MED13L: variants seen among roughly 807,000 people sequenced by gnomAD.
The protein encoded by MED13L is mediator complex subunit 13L.
In MED13L, 7 loss-of-function variants were observed where a neutral mutation model predicts 220.9. The observed-to-expected ratio is 0.03, with a 90% CI of 0.02 to 0.06. The LOEUF is 0.06. Among genes scored for constraint, MED13L ranks in the 10% least tolerant of loss-of-function variants. The pLI is 1.00. For synonymous variants in MED13L, 1,011 were observed against 1,015.2 expected (o/e 1.00, Z 0.08); for missense variants, 1,965 against 2,760.5 (o/e 0.71, Z 6.46).
intron 1 of MED13L, among the ~76,000 whole-genome samples, chr12:116,259,872 A>T (rs1872375450): frequency 6.6e-6 from 1 of 152,254 alleles, no homozygotes; most frequent in South Asian, 2.1e-4. Context: ...TAAAATTTTT[A>T]AAAGAAATTA....
chr12:116,237,204 C>T (rs1057299600), intron 2 of MED13L, among the ~76,000 whole-genome samples: 11 of 152,174 alleles, frequency 7.2e-5, no homozygotes, highest in Admixed American at 3.3e-4. Flanking sequence ...GTTTCCACCC[C>T]ACCGCACCCA....
At chr12:116,025,599 T>C (rs1407383171) in intron 4 of MED13L, among the ~76,000 whole-genome samples, 2 of 152,174 alleles carry the variant, frequency 1.3e-5, no homozygotes, top group East Asian at 1.9e-4. Flanking sequence ...CTGGAGGACA[T>C]TATGTTAAGT....
At chr12:116,228,069 C>G (rs1034702987) in intron 2 of MED13L, among the ~76,000 whole-genome samples, 5 of 152,128 alleles carry the variant, frequency 3.3e-5, no homozygotes, top group African/African-American at 1.2e-4. Flanking sequence ...AGCCACCATA[C>G]TCCCTTAAGT....
chr12:116,202,144 T>C (rs1024920072), intron 2 of MED13L, among the ~76,000 whole-genome samples: 2 of 152,158 alleles, frequency 1.3e-5, no homozygotes, highest in African/African-American at 4.8e-5. Context: ...AAATAATCAG[T>C]GGTTTAAAGC....
chr12:115,992,005 T>A (rs1234053620), intron 16 of MED13L, 48 bp from the exon 17 acceptor site: 1 of 1,499,012 alleles, frequency 6.7e-7, no homozygotes, highest in African/African-American at 1.4e-5. Flanking sequence ...ATGTCACAGA[T>A]GCTGAACTAG....
chr12:116,240,586 G>T (rs1870536453), intron 1 of MED13L, among the ~76,000 whole-genome samples: 1 of 149,516 alleles, frequency 6.7e-6, no homozygotes, highest in Admixed American at 6.7e-5. Context: ...AGGCTGCAGT[G>T]CAGTGGCGCG....
chr12:116,110,033 T>C (rs1008375667), intron 3 of MED13L: 7 of 152,194 alleles, frequency 4.6e-5, no homozygotes, highest in African/African-American at 1.7e-4. Context: ...CCTCACAGCT[T>C]TGATTACCTG....
At chr12:116,083,802 T>C (rs1871402349) in intron 4 of MED13L, among the ~76,000 whole-genome samples, 1 of 152,186 alleles carries the variant, frequency 6.6e-6, no homozygotes, top group African/African-American at 2.4e-5. Flanking sequence ...CTAGCCTCAG[T>C]TACAATTTGG....
At chr12:115,999,011 C>T (rs1468172245) in intron 14 of MED13L, among the ~76,000 whole-genome samples, 3 of 151,828 alleles carry the variant, frequency 2.0e-5, no homozygotes, top group Non-Finnish European at 4.4e-5. Context: ...ATTTGAGAGG[C>T]TACATAACCG....
chr12:116,172,406 T>C (rs1679521199), intron 2 of MED13L, among the ~76,000 whole-genome samples: 1 of 152,176 alleles, frequency 6.6e-6, no homozygotes, highest in South Asian at 2.1e-4. Flanking sequence ...GCCGCAGATA[T>C]TTTTTTGGCC....
intron 2 of MED13L, among the ~76,000 whole-genome samples, chr12:116,136,861 T>A (rs1460226790): frequency 6.6e-6 from 1 of 152,222 alleles, no homozygotes; most frequent in African/African-American, 2.4e-5. Flanking sequence ...TAACACATAT[T>A]ACATGCACAC....
intron 1 of MED13L, among the ~76,000 whole-genome samples, chr12:116,249,087 C>T (rs1871302460): frequency 6.6e-6 from 1 of 152,202 alleles, no homozygotes; most frequent in Non-Finnish European, 1.5e-5. Flanking sequence ...CTAGGCTGCA[C>T]ATTCAAACAG....
chr12:116,038,687 C>G (rs568899289), intron 4 of MED13L, among the ~76,000 whole-genome samples: 2 of 137,314 alleles, frequency 1.5e-5, no homozygotes, highest in African/African-American at 5.4e-5. Context: ...TTCCAACATG[C>G]TGCCCTTCAT....
At chr12:116,222,375 T>A (rs938920011) in intron 2 of MED13L, among the ~76,000 whole-genome samples, 5 of 152,200 alleles carry the variant, frequency 3.3e-5, no homozygotes, top group African/African-American at 1.2e-4. Context: ...TACCTCTCCA[T>A]AGGCGAAGGA....
At chr12:116,040,521 G>A (rs1881459469) in intron 4 of MED13L, among the ~76,000 whole-genome samples, 2 of 152,086 alleles carry the variant, frequency 1.3e-5, no homozygotes, top group African/African-American at 4.8e-5. Context: ...TAATGAAAGT[G>A]GAATTCAGTA....
chr12:116,126,165 T>G (rs888771523), intron 2 of MED13L, among the ~76,000 whole-genome samples: 5 of 152,150 alleles, frequency 3.3e-5, no homozygotes, highest in African/African-American at 1.2e-4. Context: ...CTGCCAATAT[T>G]TTTACTTCAT....
At chr12:115,971,431 G>A (rs1876576592) in intron 26 of MED13L, among the ~76,000 whole-genome samples, 1 of 152,184 alleles carries the variant, frequency 6.6e-6, no homozygotes, top group African/African-American at 2.4e-5. Context: ...AATAAGTGGG[G>A]AAGGTCCCCC....
chr12:116,089,899 T>C (rs1187492472), intron 4 of MED13L, among the ~76,000 whole-genome samples: 2 of 152,226 alleles, frequency 1.3e-5, no homozygotes, highest in Non-Finnish European at 2.9e-5. Context: ...CAGCAAAGTA[T>C]GCCAAATTTA....
intron 3 of MED13L, among the ~76,000 whole-genome samples, chr12:116,099,386 A>C (rs904575353): frequency 6.6e-6 from 1 of 152,224 alleles, no homozygotes; most frequent in African/African-American, 2.4e-5. Context: ...GATAATGCTG[A>C]GAATAAAAGC....
Sources: allele counts gnomAD v4.1 joint callset (sites outside exome capture counted in the v4.1 genomes callset), GRCh38; gene constraint gnomAD v4.1.1; transcripts MANE v1.5; gene names NCBI Gene and HGNC (gene_info 2026-07-23, HGNC 2026-07-21).